The following CDH18 variants were observed in gnomAD, a reference collection of about 807,000 sequenced individuals.
The protein encoded by CDH18 is cadherin 18.
In CDH18, 31 loss-of-function variants were observed where a neutral mutation model predicts 67.9. The ratio of observed to expected loss-of-function variants is 0.46; its 90% CI spans 0.34 to 0.62. The LOEUF is 0.62. CDH18 is among the 20% of genes least tolerant of loss of function. The pLI is 0.01. For synonymous variants in CDH18, 362 were observed against 347.2 expected (o/e 1.04, Z -0.48); for missense variants, 890 against 975.5 (o/e 0.91, Z 1.17).
chr5:20,123,709 A>T lies in CDH18; in HGVS notation c.-517-131695T>A, dbSNP rs559545394. 1.1e-4 allele frequency among the ~76,000 whole-genome samples: 16 copies of T among 152,166 alleles called. No individual in the cohort carries two copies. The South Asian group carries it at 2.9e-3, about 28-fold the overall frequency. On this transcript the variant is annotated intron_variant, in intron 2 of 14. Coordinates refer to the CDH18 transcript ENST00000507958. ...TAGACCATCCTGGCTAACATGGTGAAACCCCATCTCTACTAAAAATACAAA... is the reference window on the plus strand; with the variant it reads ...TAGACCATCCTGGCTAACATGGTGATACCCCATCTCTACTAAAAATACAAA...
chr5:20,096,090 G>C (rs1203300253), intron 2 of CDH18, among the ~76,000 whole-genome samples: 1 of 151,982 alleles, frequency 6.6e-6, no homozygotes, highest in Non-Finnish European at 1.5e-5. Context: ...TAATTTAAGA[G>C]ATATTGACTA....
chr5:19,868,109 T>G (rs1220323474), intron 2 of CDH18, among the ~76,000 whole-genome samples: 4 of 152,220 alleles, frequency 2.6e-5, no homozygotes, highest in Non-Finnish European at 5.9e-5. Flanking sequence ...TTACCCAGTC[T>G]CAGCAGTTCT....
chr5:19,596,596 C>T (rs527416479), intron 6 of CDH18, among the ~76,000 whole-genome samples: 37 of 152,120 alleles, frequency 2.4e-4, no homozygotes, highest in Middle Eastern at 3.4e-3. Flanking sequence ...ATGATGATAG[C>T]GTTATAAAGA....
chr5:20,311,570 T>C (rs1455765678), intron 1 of CDH18, among the ~76,000 whole-genome samples: 1 of 152,120 alleles, frequency 6.6e-6, no homozygotes, highest in African/African-American at 2.4e-5. Context: ...CCACATGTTC[T>C]CGCTCATAAG....
intron 1 of CDH18, among the ~76,000 whole-genome samples, chr5:20,291,331 G>C (rs1254388157): frequency 1.3e-5 from 2 of 152,128 alleles, no homozygotes; most frequent in Non-Finnish European, 2.9e-5. Flanking sequence ...TGAAGACTAA[G>C]AGAGTCGGTC....
At chr5:20,545,761 C>A (rs1179896910) in intron 1 of CDH18, among the ~76,000 whole-genome samples, 1 of 152,184 alleles carries the variant, frequency 6.6e-6, no homozygotes, top group East Asian at 1.9e-4. Flanking sequence ...TGGAGACATT[C>A]CCCATTGTCT....
rs1376114941 is a variant in CDH18, at chr5:20,418,201, G to A, written c.-580+157261C>T. ...AGGAATTCTCCTGCCTCAGCCTCCC[G>A]AGTAGCAGGGATTACAGGTGTCTGC... On this transcript the variant is annotated intron_variant, in intron 1 of 14. Coordinates refer to the CDH18 transcript ENST00000507958. 2.1e-5 allele frequency among the ~76,000 whole-genome samples: 3 copies of A among 143,568 alleles called. No individual in the cohort carries two copies. The East Asian group carries it at 6.3e-4, about 30-fold the overall frequency. The allele number at this position is 143,568 out of a possible 152,430, so 94.2% of individuals were successfully genotyped here. A position where few individuals can be genotyped will look rare whatever the true frequency, so the allele number is the denominator to read the frequency against.
intron 8 of CDH18, among the ~76,000 whole-genome samples, chr5:19,550,887 A>G (rs1296887246): frequency 6.6e-6 from 1 of 152,192 alleles, no homozygotes; most frequent in Admixed American, 6.5e-5. Context: ...CCAACAGTGT[A>G]AAAGTGTTCC....
At chr5:20,249,235 T>A (rs1052359876) in intron 2 of CDH18, among the ~76,000 whole-genome samples, 1 of 152,120 alleles carries the variant, frequency 6.6e-6, no homozygotes, top group African/African-American at 2.4e-5. Context: ...TAAAACTTCA[T>A]CAAAATAGTG....
chr5:20,380,887 C>G (rs73058721), intron 1 of CDH18, among the ~76,000 whole-genome samples: 7,176 of 152,168 alleles, frequency 0.047, 550 homozygotes, highest in African/African-American at 0.16. Flanking sequence ...ATTAATATGA[C>G]CTGCTATGGG....
chr5:20,567,270 T>C (rs2471118), intron 1 of CDH18, among the ~76,000 whole-genome samples: 41,742 of 152,138 alleles, frequency 0.27, 7,226 homozygotes, highest in African/African-American at 0.49. Flanking sequence ...TAAGATCTTT[T>C]AGATTCAAAT....
At chr5:19,785,765 T>C (rs1268736381) in intron 3 of CDH18, among the ~76,000 whole-genome samples, 2 of 128,320 alleles carry the variant, frequency 1.6e-5, no homozygotes, top group South Asian at 2.7e-4. Flanking sequence ...AGGTAGATCA[T>C]AGAGGTTTCA....
intron 5 of CDH18, among the ~76,000 whole-genome samples, chr5:19,697,251 CTT>C (rs889442029): frequency 1.3e-5 from 2 of 152,174 alleles, no homozygotes; most frequent in African/African-American, 2.4e-5. Flanking sequence ...GATTCTCTGA[CTT>C]TTCAAATATG....
At chr5:19,822,919 C>T (rs1483618822) in intron 3 of CDH18, among the ~76,000 whole-genome samples, 3 of 152,084 alleles carry the variant, frequency 2.0e-5, no homozygotes, top group Admixed American at 6.6e-5. Context: ...CCCTACAGCT[C>T]GACCATAAAA....
chr5:19,588,211 A>G lies in CDH18; in HGVS notation c.999+2846T>C, dbSNP rs1392987939. Among the ~76,000 whole-genome samples, 3 of 152,124 alleles carry G rather than the reference A, an allele frequency of 2.0e-5. No homozygotes were observed. The East Asian group carries it at 5.8e-4, about 29-fold the overall frequency. On this transcript the variant is annotated intron_variant, in intron 7 of 12. Coordinates refer to ENST00000382275, the MANE Select transcript of CDH18 (RefSeq NM_004934.5). The stretch of plus-strand genomic sequence containing the variant: ...GCTCAGATGAGGAAGTTTCCGAGAT[A>G]TAGGGTTATGTCATCTGCAAAGAAA...
chr5:19,925,668 A>G (rs976120351), intron 2 of CDH18, among the ~76,000 whole-genome samples: 2 of 151,910 alleles, frequency 1.3e-5, no homozygotes, highest in Non-Finnish European at 2.9e-5. Flanking sequence ...TTGTATGTTT[A>G]GTAGAGACAA....
At chr5:19,648,593 G>A (rs1012425820) in intron 5 of CDH18, among the ~76,000 whole-genome samples, 14 of 150,710 alleles carry the variant, frequency 9.3e-5, no homozygotes, top group African/African-American at 3.4e-4. Flanking sequence ...TCTTTTTTTT[G>A]TCTTTTACCT....
chr5:19,559,415 A>C (rs1215139087), intron 8 of CDH18, among the ~76,000 whole-genome samples: 2 of 151,582 alleles, frequency 1.3e-5, no homozygotes, highest in African/African-American at 4.8e-5. Flanking sequence ...CAGAATTAAA[A>C]ATAAAAATCA....
chr5:20,076,181 A>G (rs1580182940), intron 2 of CDH18, among the ~76,000 whole-genome samples: 2 of 152,284 alleles, frequency 1.3e-5, no homozygotes, highest in East Asian at 3.9e-4. Flanking sequence ...TGTGTTATAC[A>G]ATGTACATTT....
Sources: allele counts gnomAD v4.1 joint callset (sites outside exome capture counted in the v4.1 genomes callset), GRCh38; gene constraint gnomAD v4.1.1; transcripts MANE v1.5; gene names NCBI Gene and HGNC (gene_info 2026-07-23, HGNC 2026-07-21).